The following PARN variants were observed in gnomAD, a reference collection of about 807,000 sequenced individuals.
PARN encodes poly(A)-specific ribonuclease PARN.
Under a neutral mutation model 102.8 loss-of-function variants are expected in PARN, and 71 were observed. That is an observed-to-expected ratio of 0.69 (90% confidence interval 0.57 to 0.84). The LOEUF is 0.84. Among genes scored for constraint, PARN ranks in the 40% least tolerant of loss-of-function variants. PARN has a pLI of 0.00. For synonymous variants in PARN, 261 were observed against 252.9 expected (o/e 1.03, Z -0.30); for missense variants, 782 against 760.9 (o/e 1.03, Z -0.33).
At position 14,612,213 on chromosome 16, in the gene PARN, C is replaced by T. The variant is rs1024382218; in HGVS notation, c.389-1404G>A. ...AACCACTTTGAGAGGCCGAGGCGGG[C>T]GGATCACAAGTTCAAAAGATGGAGA... On this transcript the variant is annotated intron_variant, in intron 6 of 23. Transcript: ENST00000437198. Among the ~76,000 whole-genome samples the T allele has an allele frequency of 3.9e-5, 6 of 152,096 alleles. No individual in the cohort carries two copies. The South Asian group carries it at 6.2e-4, about 16-fold the overall frequency.
chr16:14,575,874 G>A (rs1596719773), intron 18 of PARN, among the ~76,000 whole-genome samples: 1 of 152,092 alleles, frequency 6.6e-6, no homozygotes, highest in East Asian at 1.9e-4. Context: ...CCGGTGGGAG[G>A]TGATACAATT....
At chr16:14,501,456 A>AAAAAAAAAAAAAAAAAAAAAAAC (rs1567326878) in intron 21 of PARN, 1 of 144,422 alleles carries the variant, frequency 6.9e-6, no homozygotes, top group Non-Finnish European at 1.5e-5. Flanking sequence ...AAAAAAAAAA[A>AAAAAAAAAAAAAAAAAAAAAAAC]AAAACAGAAA....
intron 18 of PARN, among the ~76,000 whole-genome samples, chr16:14,570,466 A>C (rs981268389): frequency 3.3e-5 from 5 of 151,384 alleles, no homozygotes; most frequent in Non-Finnish European, 7.4e-5. Context: ...CCTGCCCAAC[A>C]CAGTGAAACC....
chr16:14,438,191 T>C (rs1444433545), intron 23 of PARN, among the ~76,000 whole-genome samples: 4 of 152,102 alleles, frequency 2.6e-5, no homozygotes, highest in African/African-American at 9.7e-5. Context: ...GCCTTCCCAG[T>C]CCCACAATGA....
chr16:14,447,562 G>C (rs1271796150), intron 22 of PARN, among the ~76,000 whole-genome samples: 1 of 152,150 alleles, frequency 6.6e-6, no homozygotes, highest in East Asian at 1.9e-4. Flanking sequence ...CATAGCTACA[G>C]AGCATACCCC....
At chr16:14,609,333 C>T (rs1203838993) in intron 7 of PARN, among the ~76,000 whole-genome samples, 1 of 152,084 alleles carries the variant, frequency 6.6e-6, no homozygotes, top group East Asian at 1.9e-4. Context: ...GGGAGGTCGA[C>T]GTTGGGTGGA....
At chr16:14,509,015 TA>T (rs1271996520) in intron 21 of PARN, among the ~76,000 whole-genome samples, 1 of 151,730 alleles carries the variant, frequency 6.6e-6, no homozygotes, top group African/African-American at 2.4e-5. Context: ...AAGAAGCAAT[TA>T]AATTATAAAT....
intron 21 of PARN, among the ~76,000 whole-genome samples, chr16:14,544,333 C>T (rs915907516): frequency 9.2e-5 from 14 of 152,082 alleles, no homozygotes; most frequent in South Asian, 2.1e-4. Context: ...TCAGCACTTT[C>T]GGAGGTCAAT....
intron 21 of PARN, among the ~76,000 whole-genome samples, chr16:14,521,446 C>A (rs1475614302): frequency 1.3e-5 from 2 of 152,382 alleles, no homozygotes; most frequent in African/African-American, 4.8e-5. Flanking sequence ...AGCCACTCCA[C>A]TGAACATCAG....
chr16:14,473,950 G>A (rs1596472736), intron 22 of PARN, among the ~76,000 whole-genome samples: 1 of 152,148 alleles, frequency 6.6e-6, no homozygotes, highest in African/African-American at 2.4e-5. Context: ...CTAGTATATA[G>A]CTGGTAGGTG....
At chr16:14,610,555 G>A (rs1971464727) in intron 7 of PARN, 89 bp downstream of exon 7, 2 of 773,016 alleles carry the variant, frequency 2.6e-6, no homozygotes, top group Admixed American at 2.0e-5. Flanking sequence ...TGTGTACTAT[G>A]TTTGTAAAGC....
At chr16:14,573,573 C>G (rs993956357) in intron 18 of PARN, among the ~76,000 whole-genome samples, 1 of 152,162 alleles carries the variant, frequency 6.6e-6, no homozygotes, top group Non-Finnish European at 1.5e-5. Context: ...CTTATAACCT[C>G]GACGGAAGAT....
At chr16:14,582,420 T>C (rs749939812) in intron 16 of PARN, 129 bp from the exon 17 acceptor site, 52 of 656,788 alleles carry the variant, frequency 7.9e-5, no homozygotes, top group Non-Finnish European at 1.4e-4. Flanking sequence ...ATCTATTCCT[T>C]AATTCTCTCT....
At chr16:14,571,573 C>T (rs1425586342) in intron 18 of PARN, among the ~76,000 whole-genome samples, 1 of 146,008 alleles carries the variant, frequency 6.8e-6, no homozygotes, top group African/African-American at 2.6e-5. Context: ...TGGATGTACA[C>T]AGTGCATCAT....
intron 21 of PARN, among the ~76,000 whole-genome samples, chr16:14,501,392 G>C (rs1159481108): frequency 9.1e-6 from 1 of 110,362 alleles, no homozygotes; most frequent in Non-Finnish European, 1.8e-5. Flanking sequence ...AGGATCACTT[G>C]ATTGCGCCAC....
chr16:14,590,984 G>A (rs1970162993), intron 13 of PARN, among the ~76,000 whole-genome samples: 1 of 152,168 alleles, frequency 6.6e-6, no homozygotes, highest in Non-Finnish European at 1.5e-5. Context: ...GCGTGGTAGT[G>A]CACACCTGTG....
chr16:14,546,612 C>T (rs562148683), intron 21 of PARN, among the ~76,000 whole-genome samples: 2 of 152,258 alleles, frequency 1.3e-5, no homozygotes, highest in East Asian at 1.9e-4. Context: ...AAAGCCATTT[C>T]TATAAAAATT....
chr16:14,449,010 T>C (rs1257338728), intron 22 of PARN, among the ~76,000 whole-genome samples: 5 of 152,182 alleles, frequency 3.3e-5, no homozygotes, highest in African/African-American at 1.2e-4. Context: ...AAAGTTCGGC[T>C]GATTTCAGAA....
chr16:14,519,979 T>C (rs1965655564), intron 21 of PARN, among the ~76,000 whole-genome samples: 1 of 151,860 alleles, frequency 6.6e-6, no homozygotes. Context: ...ATACTAGATG[T>C]GCTTCCTGAT....
Sources: gnomAD v4.1 joint callset for allele counts (sites outside exome capture counted in the v4.1 genomes callset) on GRCh38, gnomAD v4.1.1 for gene constraint, MANE v1.5 for transcripts, NCBI Gene and HGNC (gene_info 2026-07-23, HGNC 2026-07-21) for gene names.